Variants in CDC73 observed in about 807,000 individuals in gnomAD.
CDC73 encodes the protein cell division cycle 73, also known as parafibromin.
A neutral mutation model predicts 83.7 loss-of-function variants in CDC73; 21 were observed. That is an observed-to-expected ratio of 0.25 (90% confidence interval 0.18 to 0.36). The LOEUF (loss-of-function observed/expected upper bound fraction) is 0.36, where lower values mean the gene tolerates loss of function less well. CDC73 is among the 10% of genes least tolerant of loss of function. The probability of loss-of-function intolerance (pLI) is 1.00; values close to 1 mark genes in which losing one functional copy is unlikely to be tolerated. For missense variants in CDC73, 342 were observed against 653.3 expected (o/e 0.52, Z 5.19); for synonymous variants, 224 against 212.9 (o/e 1.05, Z -0.45).
intron 10 of CDC73, among the ~76,000 whole-genome samples, chr1:193,173,863 GATAA>G (rs1676560430): frequency 6.6e-6 from 1 of 151,946 alleles, no homozygotes; most frequent in African/African-American, 2.4e-5. Flanking sequence ...TGGCAAATTT[GATAA>G]ATACCAGATT....
chr1:193,127,461 G>A (rs1050039811), intron 2 of CDC73, among the ~76,000 whole-genome samples: 1 of 151,844 alleles, frequency 6.6e-6, no homozygotes, highest in Non-Finnish European at 1.5e-5. Flanking sequence ...GGAAAATAAG[G>A]GGAAAAAAAT....
At chr1:193,170,926 T>G (rs779796489) in intron 10 of CDC73, among the ~76,000 whole-genome samples, 1 of 152,184 alleles carries the variant, frequency 6.6e-6, no homozygotes, top group African/African-American at 2.4e-5. Context: ...TTGTGGGAGA[T>G]GCATTTCAGC....
chr1:193,131,057 T>C (rs1288343698), intron 3 of CDC73, among the ~76,000 whole-genome samples: 1 of 152,218 alleles, frequency 6.6e-6, no homozygotes, highest in East Asian at 1.9e-4. Flanking sequence ...ATCATATATA[T>C]GCTGATGAAA....
At position 193,254,106 on chromosome 1, in the gene CDC73, G is replaced by A. The variant is rs115902405; in HGVS notation, c.*3394G>A. ...TGCTTGTTTAAATGCAAAATTATGA[G>A]TAAGATAAGTCTTTTTAAATTTTTT... On this transcript the variant is annotated 3_prime_UTR_variant, in exon 17 of 17. Coordinates refer to ENST00000367435, the MANE Select transcript of CDC73 (RefSeq NM_024529.5). 2.8e-3 allele frequency among the ~76,000 whole-genome samples: 432 copies of A among 151,914 alleles called. 2 individuals carry two copies. Among genetic ancestry groups the A allele is most frequent in the African/African-American group, 0.01 (418 of 41,502 alleles).
intron 10 of CDC73, among the ~76,000 whole-genome samples, chr1:193,172,812 A>G (rs1416308831): frequency 6.6e-6 from 1 of 152,140 alleles, no homozygotes; most frequent in Non-Finnish European, 1.5e-5. Flanking sequence ...AGACTATAAG[A>G]TTATTGTTCC....
chr1:193,162,600 C>T (rs915023743), intron 10 of CDC73, among the ~76,000 whole-genome samples: 6 of 151,878 alleles, frequency 4.0e-5, no homozygotes, highest in African/African-American at 1.5e-4. Context: ...AACTCCTGAC[C>T]TCAAGTAATC....
chr1:193,249,256 T>TA (rs1470325658), intron 15 of CDC73, among the ~76,000 whole-genome samples: 1 of 152,080 alleles, frequency 6.6e-6, no homozygotes, highest in East Asian at 1.9e-4. Context: ...TAGCATTTTT[T>TA]AGCAAGAAAG....
At chr1:193,132,947 G>A (rs1436216679) in intron 3 of CDC73, among the ~76,000 whole-genome samples, 1 of 147,346 alleles carries the variant, frequency 6.8e-6, no homozygotes, top group Non-Finnish European at 1.5e-5. Context: ...GTCGCCCCAG[G>A]CTGGAGTGCA....
chr1:193,164,856 G>A (rs1273340158), intron 10 of CDC73, among the ~76,000 whole-genome samples: 3 of 152,146 alleles, frequency 2.0e-5, no homozygotes, highest in Non-Finnish European at 4.4e-5. Flanking sequence ...TTGTTAAAAA[G>A]TGTTGGTGAG....
At chr1:193,199,033 T>A (rs1677046394) in intron 10 of CDC73, among the ~76,000 whole-genome samples, 1 of 152,152 alleles carries the variant, frequency 6.6e-6, no homozygotes, top group Non-Finnish European at 1.5e-5. Context: ...TTTATAGCCC[T>A]TTATCTGTAT....
intron 3 of CDC73, among the ~76,000 whole-genome samples, chr1:193,131,781 A>G (rs552945286): frequency 2.7e-4 from 41 of 152,318 alleles, no homozygotes; most frequent in African/African-American, 9.6e-4. Flanking sequence ...ATCTGTGCTC[A>G]AGTGTTTTTC....
chr1:193,204,683 A>C (rs1677157071), intron 11 of CDC73, among the ~76,000 whole-genome samples: 1 of 152,210 alleles, frequency 6.6e-6, no homozygotes, highest in Admixed American at 6.5e-5. Flanking sequence ...ATGGATTTAT[A>C]CTATAGAACA....
chr1:193,194,098 A>T (rs905032051), intron 10 of CDC73, among the ~76,000 whole-genome samples: 2 of 152,122 alleles, frequency 1.3e-5, no homozygotes, highest in African/African-American at 2.4e-5. Flanking sequence ...AAGAAGAGCA[A>T]ATTTATATGG....
intron 13 of CDC73, among the ~76,000 whole-genome samples, chr1:193,228,486 T>TG (rs1329054598): frequency 1.3e-5 from 2 of 152,174 alleles, no homozygotes; most frequent in Non-Finnish European, 2.9e-5. Flanking sequence ...GATGTAAAGA[T>TG]AGATAGATGA....
chr1:193,144,757 A>G (rs561120173), intron 7 of CDC73, among the ~76,000 whole-genome samples: 20 of 152,074 alleles, frequency 1.3e-4, no homozygotes, highest in African/African-American at 4.3e-4. Flanking sequence ...TGAAGTATGA[A>G]CTGAATCAAC....
intron 5 of CDC73, among the ~76,000 whole-genome samples, chr1:193,136,858 G>A (rs1675810731): frequency 6.6e-6 from 1 of 152,102 alleles, no homozygotes; most frequent in South Asian, 2.1e-4. Flanking sequence ...CCAGCTCAAG[G>A]GATGCCATTT....
chr1:193,244,915 G>A (rs1311830870), intron 15 of CDC73, among the ~76,000 whole-genome samples: 4 of 152,176 alleles, frequency 2.6e-5, no homozygotes, highest in Non-Finnish European at 5.9e-5. Flanking sequence ...TGGAGACTTT[G>A]TCTTGGTCAC....
chr1:193,175,733 A>G (rs144149462), intron 10 of CDC73, among the ~76,000 whole-genome samples: 40 of 152,354 alleles, frequency 2.6e-4, no homozygotes, highest in African/African-American at 9.6e-4. Context: ...TTATATGCAA[A>G]CAGTATGCCA....
intron 10 of CDC73, among the ~76,000 whole-genome samples, chr1:193,181,855 TA>T (rs1676722977): frequency 6.6e-6 from 1 of 152,176 alleles, no homozygotes; most frequent in African/African-American, 2.4e-5. Context: ...TTAATTTATT[TA>T]AAAATATACC....
Sources: gnomAD v4.1 joint callset for allele counts (sites outside exome capture counted in the v4.1 genomes callset) on GRCh38, gnomAD v4.1.1 for gene constraint, MANE v1.5 for transcripts, NCBI Gene and HGNC (gene_info 2026-07-23, HGNC 2026-07-21) for gene names.